BLTP1: variants seen among roughly 807,000 people sequenced by gnomAD.
BLTP1 encodes fragile site-associated protein.
the BLTP1 span, chr4:122,267,562 A>G: frequency 6.7e-6 from 5 of 744,646 alleles, no homozygotes; most frequent in Non-Finnish European, 8.2e-6. Context: ...GGCTCTTGTA[A>G]TAGTGGAATT....
the BLTP1 span, among the ~76,000 whole-genome samples, chr4:122,205,607 TATA>T: frequency 4.8e-5 from 7 of 144,946 alleles, no homozygotes; most frequent in African/African-American, 1.8e-4. Flanking sequence ...AAGTCTGTGC[TATA>T]ATAATACTGT....
At chr4:122,352,516 C>T in the BLTP1 span, among the ~76,000 whole-genome samples, 2 of 151,894 alleles carry the variant, frequency 1.3e-5, no homozygotes, top group Admixed American at 6.6e-5. Context: ...TGCTCCACCG[C>T]ACCCAGCTAA....
chr4:122,210,010 T>C, the BLTP1 span: 1 of 1,503,916 alleles, frequency 6.6e-7, no homozygotes, highest in Non-Finnish European at 9.0e-7. Flanking sequence ...TAAATTGAAA[T>C]GCATCTATTC....
At chr4:122,234,198 C>G in the BLTP1 span, 1 of 614,458 alleles carries the variant, frequency 1.6e-6, no homozygotes, top group Admixed American at 6.3e-5. Context: ...ATTTTTAATA[C>G]TTTATTTGTA....
the BLTP1 span, among the ~76,000 whole-genome samples, chr4:122,294,631 G>A: frequency 6.6e-5 from 10 of 152,220 alleles, no homozygotes; most frequent in Admixed American, 3.9e-4. Context: ...AAAGATTGAA[G>A]GTAGATATGC....
the BLTP1 span, among the ~76,000 whole-genome samples, chr4:122,326,790 G>A: frequency 6.6e-6 from 1 of 151,564 alleles, no homozygotes; most frequent in Admixed American, 6.6e-5. Flanking sequence ...AATAATTAAA[G>A]CATGGTTAAA....
At chr4:122,226,934 C>A in the BLTP1 span, 5 of 800,494 alleles carry the variant, frequency 6.2e-6, no homozygotes, top group Middle Eastern at 7.8e-4. Flanking sequence ...CATAGCCATG[C>A]AGCAAACTAC....
the BLTP1 span, among the ~76,000 whole-genome samples, chr4:122,157,208 G>A: frequency 2.0e-5 from 3 of 152,282 alleles, no homozygotes; most frequent in South Asian, 6.2e-4. Flanking sequence ...GAACTTAGGG[G>A]TTTAAACCGA....
chr4:122,247,090 A>G, the BLTP1 span: 1 of 1,495,594 alleles, frequency 6.7e-7, no homozygotes, highest in East Asian at 2.4e-5. Flanking sequence ...GAAACCTTTT[A>G]GGTAAATGTT....
the BLTP1 span, chr4:122,153,067 C>A: frequency 3.0e-3 from 2,925 of 979,096 alleles, 5 homozygotes; most frequent in Non-Finnish European, 3.3e-3. Context: ...CTGCACTGCA[C>A]TCTAGAAGAC....
chr4:122,258,665 A>C, the BLTP1 span: 1 of 1,576,624 alleles, frequency 6.3e-7, no homozygotes, highest in Non-Finnish European at 8.6e-7. Context: ...AATGTGTGAT[A>C]ATCTATTGCT....
At chr4:122,336,362 CCTT>C in the BLTP1 span, 2 of 1,565,896 alleles carry the variant, frequency 1.3e-6, no homozygotes, top group Non-Finnish European at 1.7e-6. Context: ...AGGTAAGCAT[CCTT>C]CTTATATACC....
the BLTP1 span, chr4:122,312,774 A>G: frequency 2.7e-6 from 2 of 754,042 alleles, no homozygotes; most frequent in Admixed American, 1.3e-4. Flanking sequence ...GAAATGTAAT[A>G]CCAAATTACC....
At chr4:122,192,555 A>G in the BLTP1 span, 1 of 166,092 alleles carries the variant, frequency 6.0e-6, no homozygotes, top group Non-Finnish European at 1.2e-5. Context: ...AAGCAAGTTC[A>G]TTCCAAAGGT....
the BLTP1 span, chr4:122,256,217 A>G: frequency 3.1e-6 from 3 of 966,724 alleles, no homozygotes; most frequent in Non-Finnish European, 3.7e-6. Flanking sequence ...CAGGCAAGTC[A>G]AGAATCTCTA....
chr4:122,248,805 G>A, the BLTP1 span, among the ~76,000 whole-genome samples: 6 of 151,990 alleles, frequency 3.9e-5, no homozygotes, highest in African/African-American at 1.4e-4. Flanking sequence ...CCAAAGCTGG[G>A]TTTGCAAAGT....
At chr4:122,268,857 A>G in the BLTP1 span, 1 of 152,182 alleles carries the variant, frequency 6.6e-6, no homozygotes, top group Admixed American at 6.5e-5. Context: ...CACATTTTGA[A>G]GTGATGTGAC....
At chr4:122,332,106 T>C in the BLTP1 span, among the ~76,000 whole-genome samples, 1 of 151,948 alleles carries the variant, frequency 6.6e-6, no homozygotes, top group African/African-American at 2.4e-5. Context: ...AAAATAGTTA[T>C]AATTGAGCGG....
chr4:122,224,624 T>C, the BLTP1 span: 1 of 1,614,078 alleles, frequency 6.2e-7, no homozygotes, highest in Admixed American at 1.7e-5. Context: ...AGAATACGCA[T>C]GGTTAATTGA....
Sources: gnomAD v4.1 joint callset for allele counts (sites outside exome capture counted in the v4.1 genomes callset) on GRCh38, gnomAD v4.1.1 for gene constraint, MANE v1.5 for transcripts, NCBI Gene and HGNC (gene_info 2026-07-23, HGNC 2026-07-21) for gene names.